The following KIF1A variants were observed in gnomAD, a reference collection of about 807,000 sequenced individuals.
KIF1A encodes the protein kinesin family member 1A, also known as kinesin-like protein KIF1A.
KIF1A carries 46 observed loss-of-function variants against 227.3 expected under a neutral mutation model. The ratio of observed to expected loss-of-function variants is 0.20; its 90% CI spans 0.16 to 0.26. The LOEUF (loss-of-function observed/expected upper bound fraction) is 0.26, where lower values mean the gene tolerates loss of function less well. Among genes scored for constraint, KIF1A ranks in the 10% least tolerant of loss-of-function variants. KIF1A has a pLI of 1.00. For synonymous variants in KIF1A, 1,022 were observed against 1,012.8 expected (o/e 1.01, Z -0.17); for missense variants, 1,683 against 2,485.9 (o/e 0.68, Z 6.87).
chr2:240,718,964 T>C, intron 47 of KIF1A, 42 bp downstream of exon 47: 1 of 1,535,050 alleles, frequency 6.5e-7, no homozygotes, highest in Non-Finnish European at 9.0e-7. Context: ...CCTGCCCTGC[T>C]AGGGTTCCTG....
At chr2:240,745,570 CT>C in intron 31 of KIF1A, 53 bp from the exon 32 acceptor site, 1 of 1,534,012 alleles carries the variant, frequency 6.5e-7, no homozygotes, top group Non-Finnish European at 8.9e-7. Flanking sequence ...GGGATGAGAC[CT>C]TACCAGGTGG....
At chr2:240,782,727 C>G (rs552733386) in intron 9 of KIF1A, 120 bp from the exon 10 acceptor site, 4 of 1,063,228 alleles carry the variant, frequency 3.8e-6, no homozygotes, top group African/African-American at 1.6e-5. Context: ...TCTACCACCC[C>G]GTGGTCTCCT....
chr2:240,808,088 C>A lies in KIF1A; in HGVS notation c.-60-10276G>T, dbSNP rs118089315. On this transcript the variant is annotated intron_variant, in intron 1 of 48. Coordinates refer to ENST00000498729, the MANE Select transcript of KIF1A (RefSeq NM_001244008.2). ...GGAACATTTCCTTTATATTCAGAAA[C>A]AAGTCCAGGATGCTTGCTATCTCTA... Among the ~76,000 whole-genome samples the A allele has an allele frequency of 3.0e-3, 462 of 152,296 alleles. 8 individuals carry two copies. In the East Asian group the frequency reaches 0.052, roughly 17 times the overall value.
rs1226541536 is a variant in KIF1A, at chr2:240,723,546, C to T, written c.4331G>A (p.Arg1444Gln). 3.3e-6 allele frequency: 5 copies of T among 1,537,836 alleles called. No homozygotes were observed. Among genetic ancestry groups the T allele is most frequent in the Non-Finnish European group, 4.4e-6 (5 of 1,137,036 alleles). Residue 1444 changes from arginine to glutamine, a missense_variant, in exon 42 of 49, where the codon CGG (arginine) becomes CAG (glutamine). By Grantham distance (43) the Arg-to-Gln change is conservative (BLOSUM62 1). Coordinates refer to ENST00000498729, the MANE Select transcript of KIF1A (RefSeq NM_001244008.2). ...ADAGSPGMQRRRRRVLDTSVA... is the reference protein window; with the variant it reads ...ADAGSPGMQRQRRRVLDTSVA... ...AGATGTGTCCAGGACTCGTCGGCGC[C>T]GGCGCTGCATCCCTGCATGGGGCAC... is the stretch of plus-strand genomic sequence containing the variant.
At chr2:240,797,315 C>T (rs73102702) in intron 2 of KIF1A, among the ~76,000 whole-genome samples, 2,349 of 152,280 alleles carry the variant, frequency 0.015, 71 homozygotes, top group African/African-American at 0.053. Flanking sequence ...ACTAGAGCAA[C>T]GCTGCTGCAA....
rs982187944 is a variant in KIF1A at position 240,785,025 on chromosome 2, C to T, written c.684G>A (p.Lys228=). ...TGATATTGGTCTCTGCGTCATGGCG[C>T]TTCTGGGTGAAGATGATGTTGAAGA... ...HAVFNIIFTQ[K]RHDAETNITT... Residue 228 remains lysine, a synonymous_variant, in exon 7 of 49, where the codon AAG becomes AAA. Coordinates refer to ENST00000498729, the MANE Select transcript of KIF1A (RefSeq NM_001244008.2). 6 of 1,613,646 alleles carry T rather than the reference C, an allele frequency of 3.7e-6. No homozygotes were observed. The Admixed American group carries it at 5.0e-5, about 13-fold the overall frequency.
At chr2:240,812,955 A>ATCTGCCTTC (rs2058036576) in intron 1 of KIF1A, among the ~76,000 whole-genome samples, 5 of 59,398 alleles carry the variant, frequency 8.4e-5, no homozygotes, top group African/African-American at 2.4e-4. Context: ...CCTTCACCTC[A>ATCTGCCTTC]AGGATCCACC....
Position 240,726,924 on chromosome 2 carries a change from C to G in KIF1A, c.4024G>C (p.Glu1342Gln), listed in dbSNP as rs2046075075. ...TGCATGGAGCTGTCCCACGCAGCCT[C>G]AAATTGGTAAAAGGTCCTGAAAGGA... is the stretch of plus-strand genomic sequence containing the variant. ...AQDDRTFYQF[E>Q]AAWDSSMHNS... Residue 1342 changes from glutamate (E) to glutamine (Q), a missense_variant, in exon 39 of 49, where the codon GAG becomes CAG. By Grantham distance (29) the Glu-to-Gln change is conservative. Transcript: ENST00000498729. The surrounding 1 kb of genome is among the most constrained non-coding windows in gnomAD (Gnocchi z 5.2). The G allele has an allele frequency of 6.2e-7, 1 of 1,606,716 alleles. No homozygotes were observed. Among genetic ancestry groups the G allele is most frequent in the South Asian group, 1.1e-5 (1 of 90,270 alleles).
rs963185195 is a variant in KIF1A, at chr2:240,789,527, G to C, written c.107-215C>G. 2.0e-5 allele frequency among the ~76,000 whole-genome samples: 3 copies of C among 152,124 alleles called. No homozygotes were observed. Among genetic ancestry groups the C allele is most frequent in the African/African-American group, 7.2e-5 (3 of 41,436 alleles). On this transcript the variant is annotated intron_variant, in intron 2 of 48. Transcript: ENST00000498729. The surrounding 1 kb of genome is among the most constrained non-coding windows in gnomAD (Gnocchi z 4.8). ...ACGCTGCCACCCATGGATGTCCAAG[G>C]GTACCACCATACCAGCCTGCAAGGC...
chr2:240,816,902 A>G (rs1008167909), intron 1 of KIF1A, among the ~76,000 whole-genome samples: 5 of 152,214 alleles, frequency 3.3e-5, no homozygotes, highest in African/African-American at 1.2e-4. Flanking sequence ...CCCCAACTGC[A>G]GCACGTGGGC....
At chr2:240,721,953 C>A in intron 43 of KIF1A, 69 bp from the exon 44 acceptor site, 1 of 1,292,670 alleles carries the variant, frequency 7.7e-7, no homozygotes, top group East Asian at 2.5e-5. Context: ...GCCTTGCAGG[C>A]TCTTCTACCC....
chr2:240,723,669 G>T, intron 41 of KIF1A, 111 bp from the exon 42 acceptor site: 1 of 1,261,372 alleles, frequency 7.9e-7, no homozygotes, highest in Middle Eastern at 2.8e-4. Context: ...AGTGGAGATG[G>T]GCTTCCCCTG....
rs534411093 is a variant in KIF1A at position 240,717,486 on chromosome 2, G to T, written c.5334-80C>A. ...TATCCACCGTGCCCTGCACAGGCAGGCAGCCGTGAGGGGCAGCCACAGACC... is the reference window on the plus strand; with the variant it reads ...TATCCACCGTGCCCTGCACAGGCAGTCAGCCGTGAGGGGCAGCCACAGACC... On this transcript the variant is annotated intron_variant, in intron 48 of 48. Coordinates refer to ENST00000498729, the MANE Select transcript of KIF1A (RefSeq NM_001244008.2). 25 of 1,350,070 alleles carry T rather than the reference G, an allele frequency of 1.9e-5. 1 individual carries two copies. In the South Asian group the frequency reaches 2.9e-4, roughly 16 times the overall value. The allele number at this position is 1,350,070 out of a possible 1,614,324, so 83.6% of individuals were successfully genotyped here. A position where few individuals can be genotyped will look rare whatever the true frequency, so the allele number is the denominator to read the frequency against.
chr2:240,736,655 A>G lies in KIF1A; in HGVS notation c.4007+408T>C, dbSNP rs1575546225. Reference sequence around the variant, plus strand: ...TGCCAAGCAGTGCCTATGGGCGCCCACCCCAGCTGCTCCACCTCTAGCCCC... The same window carrying G: ...TGCCAAGCAGTGCCTATGGGCGCCCGCCCCAGCTGCTCCACCTCTAGCCCC... On this transcript the variant is annotated intron_variant, in intron 38 of 48. Transcript: ENST00000498729. The surrounding 1 kb of genome is among the most constrained non-coding windows in gnomAD (Gnocchi z 4.7). Among the ~76,000 whole-genome samples the G allele has an allele frequency of 6.6e-6, 1 of 152,074 alleles. No homozygotes were observed. Among genetic ancestry groups the G allele is most frequent in the African/African-American group, 2.4e-5 (1 of 41,388 alleles).
chr2:240,777,039 G>GTTTTGT (rs749970772), intron 10 of KIF1A, among the ~76,000 whole-genome samples: 5 of 152,054 alleles, frequency 3.3e-5, no homozygotes, highest in Admixed American at 6.5e-5. Flanking sequence ...TTTTTCTTTT[G>GTTTTGT]TTTTGTTTTT....
intron 17 of KIF1A, among the ~76,000 whole-genome samples, chr2:240,768,368 C>G (rs1193876308): frequency 6.6e-6 from 1 of 152,232 alleles, no homozygotes; most frequent in Non-Finnish European, 1.5e-5. Flanking sequence ...TACAGCTCTT[C>G]TCAGGCCCTT....
intron 47 of KIF1A, among the ~76,000 whole-genome samples, chr2:240,718,684 G>C (rs182054187): frequency 5.3e-5 from 8 of 152,228 alleles, no homozygotes; most frequent in Non-Finnish European, 1.0e-4. Flanking sequence ...TGCAGGGCTG[G>C]TGCCACCCAC....
Position 240,757,697 on chromosome 2 carries a change from C to A in KIF1A, c.2583-103G>T. 1 of 1,095,958 alleles carries A rather than the reference C, an allele frequency of 9.1e-7. No homozygotes were observed. Among genetic ancestry groups the A allele is most frequent in the African/African-American group, 1.6e-5 (1 of 62,938 alleles). The allele number at this position is 1,095,958 out of a possible 1,614,324, so 67.9% of individuals were successfully genotyped here. A position where few individuals can be genotyped will look rare whatever the true frequency, so the allele number is the denominator to read the frequency against. ...GGGGGGCTTCTGTTTAAAACCAAAA[C>A]CAAACACACAGACCATCGAGAATGC... On this transcript the variant is annotated intron_variant, in intron 26 of 48. Coordinates refer to ENST00000498729, the MANE Select transcript of KIF1A (RefSeq NM_001244008.2). This position sits in a 1 kb window ranked among gnomAD's most constrained non-coding sequence, Gnocchi z 6.2.
At chr2:240,805,169 G>A (rs905174750) in intron 1 of KIF1A, among the ~76,000 whole-genome samples, 19 of 140,500 alleles carry the variant, frequency 1.4e-4, no homozygotes, top group African/African-American at 5.1e-4. Flanking sequence ...GGAGGGAGAG[G>A]GGAGGGAAGG....
Sources: allele counts gnomAD v4.1 joint callset (sites outside exome capture counted in the v4.1 genomes callset), GRCh38; gene constraint gnomAD v4.1.1; non-coding constraint Gnocchi (gnomAD v3.1); transcripts MANE v1.5; gene names NCBI Gene and HGNC (gene_info 2026-07-23, HGNC 2026-07-21).